The following CACNA2D3 variants were observed in gnomAD, a reference collection of about 807,000 sequenced individuals.
The protein encoded by CACNA2D3 is voltage-dependent calcium channel subunit alpha-2/delta-3.
CACNA2D3 carries 60 observed loss-of-function variants against 160.6 expected under a neutral mutation model. That is an observed-to-expected ratio of 0.37 (90% CI 0.30 to 0.46). The LOEUF is 0.46. Ranked by LOEUF, CACNA2D3 falls within the 20% of genes least tolerant of loss-of-function variation. The pLI is 1.00. For missense variants in CACNA2D3, 1,205 were observed against 1,365.0 expected, an observed-to-expected ratio of 0.88 and a Z score of 1.85; for synonymous variants, 558 against 492.9, an observed-to-expected ratio of 1.13 and a Z score of -1.75.
chr3:54,550,759 C>T (rs1325354640), intron 5 of CACNA2D3, among the ~76,000 whole-genome samples: 1 of 152,194 alleles, frequency 6.6e-6, no homozygotes, highest in Non-Finnish European at 1.5e-5. Flanking sequence ...GATTCTGCAG[C>T]ATGGTTGTCC....
rs572672023 is a variant in CACNA2D3, at chr3:54,570,638, A to G, written c.888+534A>G. On this transcript the variant is annotated intron_variant, in intron 8 of 37. Coordinates refer to ENST00000474759, the MANE Select transcript of CACNA2D3 (RefSeq NM_018398.3). ...ATGCCTGCTTTTAATAAATGCCTTA[A>G]TCTTCATATTTTTATTATCTTGGTT... Among the ~76,000 whole-genome samples the G allele has an allele frequency of 7.9e-5, 12 of 152,244 alleles. No homozygotes were observed. The East Asian group carries it at 1.2e-3, about 15-fold the overall frequency.
At chr3:54,225,722 A>G (rs1052318810) in intron 2 of CACNA2D3, among the ~76,000 whole-genome samples, 1 of 151,762 alleles carries the variant, frequency 6.6e-6, no homozygotes, top group East Asian at 1.9e-4. Context: ...GTTATTTTAA[A>G]GCCTGTGTCT....
At chr3:54,339,197 T>C (rs564252173) in intron 3 of CACNA2D3, among the ~76,000 whole-genome samples, 17 of 152,318 alleles carry the variant, frequency 1.1e-4, no homozygotes, top group African/African-American at 3.8e-4. Flanking sequence ...CCTCAAGCTC[T>C]GTGAATGTGC....
chr3:54,761,725 C>G (rs967750837), intron 12 of CACNA2D3, among the ~76,000 whole-genome samples: 1 of 152,210 alleles, frequency 6.6e-6, no homozygotes, highest in Non-Finnish European at 1.5e-5. Context: ...GGGAAAGGCT[C>G]TGACCCAGGC....
At chr3:54,237,692 C>A (rs1011332153) in intron 2 of CACNA2D3, among the ~76,000 whole-genome samples, 3 of 152,104 alleles carry the variant, frequency 2.0e-5, no homozygotes, top group Non-Finnish European at 4.4e-5. Flanking sequence ...TTCATTTACC[C>A]AGATTGAAAA....
chr3:54,631,239 G>A (rs1011439210), intron 10 of CACNA2D3, among the ~76,000 whole-genome samples: 17 of 105,790 alleles, frequency 1.6e-4, no homozygotes, highest in Non-Finnish European at 3.4e-4. Context: ...CACACACAAA[G>A]ATAAATGTTA....
At chr3:54,786,820 C>G (rs1269517607) in intron 13 of CACNA2D3, among the ~76,000 whole-genome samples, 1 of 152,102 alleles carries the variant, frequency 6.6e-6, no homozygotes, top group African/African-American at 2.4e-5. Context: ...ACGGTGACAC[C>G]TCAGAGAGCC....
rs1010443878 is a variant in CACNA2D3 at position 55,021,442 on chromosome 3, ATCTT to A, written c.2987+3130_2987+3133del. ...TTCCATACTGCCAGAGATGTGTTTT[ATCTT>A]TCTTCTATGATTCTTGAGTTTACAT... On this transcript the variant is annotated intron_variant, in intron 35 of 37. Coordinates refer to ENST00000474759, the MANE Select transcript of CACNA2D3 (RefSeq NM_018398.3). Among the ~76,000 whole-genome samples, 194 of 150,662 alleles carry A rather than the reference ATCTT, an allele frequency of 1.3e-3. 2 individuals carry two copies. Among genetic ancestry groups the A allele is most frequent in the African/African-American group, 4.5e-3 (186 of 41,040 alleles).
Position 54,973,997 on chromosome 3 carries a change from C to T in CACNA2D3, c.2556+4153C>T, listed in dbSNP as rs1035201064. Among the ~76,000 whole-genome samples, 3 of 152,080 alleles carry T rather than the reference C, an allele frequency of 2.0e-5. No homozygotes were observed. The South Asian group carries it at 6.2e-4, about 31-fold the overall frequency. On this transcript the variant is annotated intron_variant, in intron 29 of 37. Coordinates refer to ENST00000474759, the MANE Select transcript of CACNA2D3 (RefSeq NM_018398.3). ...TGTGTGTGTTTCTCTCTCCCTCTCT[C>T]CCCACAAATGAAGACAACAGGCAGT...
intron 2 of CACNA2D3, among the ~76,000 whole-genome samples, chr3:54,255,647 A>G (rs1228565915): frequency 6.6e-6 from 1 of 152,110 alleles, no homozygotes; most frequent in Non-Finnish European, 1.5e-5. Flanking sequence ...TGCCGGTAAC[A>G]AAAGTACAAT....
intron 33 of CACNA2D3, among the ~76,000 whole-genome samples, chr3:55,009,058 G>C (rs1393710455): frequency 6.6e-6 from 1 of 152,088 alleles, no homozygotes; most frequent in Non-Finnish European, 1.5e-5. Flanking sequence ...ATTAGAAATT[G>C]GCTTTTTACT....
intron 2 of CACNA2D3, among the ~76,000 whole-genome samples, chr3:54,234,273 A>T (rs1701833361): frequency 6.6e-6 from 1 of 152,216 alleles, no homozygotes; most frequent in African/African-American, 2.4e-5. Flanking sequence ...TGCAAATCAA[A>T]ACTACATTGA....
intron 2 of CACNA2D3, among the ~76,000 whole-genome samples, chr3:54,151,647 G>A (rs993615371): frequency 6.6e-6 from 1 of 152,142 alleles, no homozygotes; most frequent in Non-Finnish European, 1.5e-5. Context: ...GGGATGTTTT[G>A]TTGCAACAAT....
intron 33 of CACNA2D3, 56 bp from the exon 34 acceptor site, chr3:55,009,332 C>G (rs1405257983): frequency 7.0e-7 from 1 of 1,438,722 alleles, no homozygotes; most frequent in South Asian, 1.1e-5. Context: ...AGTCACTGTT[C>G]TGTGATATGG....
chr3:54,603,185 G>A (rs1229677443), intron 9 of CACNA2D3, among the ~76,000 whole-genome samples: 1 of 152,180 alleles, frequency 6.6e-6, no homozygotes, highest in Admixed American at 6.5e-5. Flanking sequence ...CTCAGAGGGC[G>A]CTGGCCGTGC....
intron 27 of CACNA2D3, among the ~76,000 whole-genome samples, chr3:54,964,211 C>G (rs1702092823): frequency 6.6e-6 from 1 of 151,996 alleles, no homozygotes; most frequent in Admixed American, 6.6e-5. Context: ...CGGTTGTGTT[C>G]CTGGGTGGTG....
chr3:54,253,603 G>T (rs1039343772), intron 2 of CACNA2D3, among the ~76,000 whole-genome samples: 8 of 152,144 alleles, frequency 5.3e-5, no homozygotes, highest in African/African-American at 1.7e-4. Context: ...TTGGACGTGA[G>T]ATTTGGGTGG....
At chr3:54,590,204 A>G (rs1702833168) in intron 9 of CACNA2D3, among the ~76,000 whole-genome samples, 2 of 152,308 alleles carry the variant, frequency 1.3e-5, no homozygotes, top group South Asian at 4.2e-4. Flanking sequence ...TGTCGCCACT[A>G]TGGAATATTA....
chr3:54,799,891 T>C (rs1177535729), intron 13 of CACNA2D3, among the ~76,000 whole-genome samples: 1 of 152,172 alleles, frequency 6.6e-6, no homozygotes, highest in Admixed American at 6.5e-5. Context: ...TGTGTCCCCA[T>C]TGGTACTTCT....
Sources: allele counts gnomAD v4.1 joint callset (sites outside exome capture counted in the v4.1 genomes callset), GRCh38; gene constraint gnomAD v4.1.1; transcripts MANE v1.5; gene names NCBI Gene and HGNC (gene_info 2026-07-23, HGNC 2026-07-21).